SOX5: variants seen among roughly 807,000 people sequenced by gnomAD.
SOX5 encodes SRY-box transcription factor 5.
A neutral mutation model predicts 92.0 loss-of-function variants in SOX5; 9 were observed. That is an observed-to-expected ratio of 0.10 (90% CI 0.06 to 0.17). The LOEUF is 0.17. SOX5 is among the 10% of genes least tolerant of loss of function. The probability of loss-of-function intolerance (pLI) is 1.00; values close to 1 mark genes in which losing one functional copy is unlikely to be tolerated. For missense variants in SOX5, 642 were observed against 944.5 expected (o/e 0.68, Z 4.20); for synonymous variants, 344 against 336.3 (o/e 1.02, Z -0.25).
At chr12:23,890,757 C>T (rs1438505674) in intron 2 of SOX5, among the ~76,000 whole-genome samples, 3 of 151,256 alleles carry the variant, frequency 2.0e-5, no homozygotes, top group Non-Finnish European at 4.4e-5. Flanking sequence ...CCCAAAATTA[C>T]AGTGATTCTT....
chr12:24,356,416 C>T (rs904894149), intron 2 of SOX5, among the ~76,000 whole-genome samples: 1 of 151,986 alleles, frequency 6.6e-6, no homozygotes, highest in African/African-American at 2.4e-5. Context: ...TTCCATAGCA[C>T]CTTTGTTTCT....
chr12:24,168,310 ATG>A (rs1953663999), intron 4 of SOX5, among the ~76,000 whole-genome samples: 1 of 152,086 alleles, frequency 6.6e-6, no homozygotes, highest in African/African-American at 2.4e-5. Flanking sequence ...CTCCTACTAA[ATG>A]TGTGTCACAG....
intron 1 of SOX5, among the ~76,000 whole-genome samples, chr12:23,943,817 G>C (rs1240730644): frequency 6.6e-6 from 1 of 152,022 alleles, no homozygotes; most frequent in Non-Finnish European, 1.5e-5. Flanking sequence ...TTTTCCTTCT[G>C]TCATGTTTTA....
At chr12:23,787,529 G>A (rs1017887529) in intron 3 of SOX5, among the ~76,000 whole-genome samples, 1 of 151,992 alleles carries the variant, frequency 6.6e-6, no homozygotes, top group Non-Finnish European at 1.5e-5. Flanking sequence ...TTGCATACAC[G>A]ATGAACACAG....
intron 6 of SOX5, among the ~76,000 whole-genome samples, chr12:23,667,902 A>T (rs187368794): frequency 6.6e-6 from 1 of 152,206 alleles, no homozygotes; most frequent in Admixed American, 6.6e-5. Context: ...ACATCTCAAA[A>T]TATCGTTGAT....
At chr12:24,394,703 C>T (rs867545930) in intron 1 of SOX5, among the ~76,000 whole-genome samples, 4 of 152,046 alleles carry the variant, frequency 2.6e-5, no homozygotes, top group South Asian at 4.1e-4. Context: ...TAGAACAATG[C>T]CTGAAAAAGT....
chr12:24,072,373 C>A (rs1264714119), intron 4 of SOX5, among the ~76,000 whole-genome samples: 1 of 152,096 alleles, frequency 6.6e-6, no homozygotes, highest in Non-Finnish European at 1.5e-5. Flanking sequence ...TAATTTATAT[C>A]ATTAAATATA....
At chr12:23,624,429 A>C (rs1421893299) in intron 8 of SOX5, among the ~76,000 whole-genome samples, 3 of 152,352 alleles carry the variant, frequency 2.0e-5, no homozygotes, top group Admixed American at 1.3e-4. Context: ...TAAAATTTTT[A>C]AGAATAAAAT....
In SOX5 at chr12:23,692,401, C is replaced by A. The variant is rs1158993231; in HGVS notation, c.811-26837G>T. Among the ~76,000 whole-genome samples the A allele has an allele frequency of 2.1e-5, 3 of 145,514 alleles. No individual in the cohort carries two copies. In the East Asian group the frequency reaches 6.0e-4, roughly 29 times the overall value. On this transcript the variant is annotated intron_variant, in intron 6 of 14. Transcript: ENST00000451604. ...GCATTGAGCTGAGATTGCACCACTG[C>A]ACTTCAGCCTGGGCGACAGAGTGAG... is the stretch of plus-strand genomic sequence containing the variant.
intron 3 of SOX5, among the ~76,000 whole-genome samples, chr12:24,269,064 G>C (rs937007086): frequency 6.6e-6 from 1 of 152,148 alleles, no homozygotes; most frequent in South Asian, 2.1e-4. Flanking sequence ...ATTGTATATT[G>C]CAGGGTAATC....
chr12:23,577,193 T>TATATATATATA (rs1391132741), intron 9 of SOX5, among the ~76,000 whole-genome samples: 2 of 53,668 alleles, frequency 3.7e-5, no homozygotes, highest in South Asian at 5.7e-4. Context: ...ATATATATAT[T>TATATATATATA]TTTTTTTTTT....
chr12:23,621,965 AG>A (rs1176952287), intron 8 of SOX5, among the ~76,000 whole-genome samples: 4 of 152,144 alleles, frequency 2.6e-5, no homozygotes, highest in Non-Finnish European at 4.4e-5. Flanking sequence ...CTTTACATCA[AG>A]GAAAGATAGA....
intron 11 of SOX5, among the ~76,000 whole-genome samples, chr12:23,557,269 C>T (rs939416277): frequency 6.6e-6 from 1 of 152,212 alleles, no homozygotes; most frequent in South Asian, 2.1e-4. Context: ...TGAGTAAATT[C>T]TTAATTAAAA....
rs968132943 is a variant in SOX5 at position 24,032,137 on chromosome 12, A to C, written c.-1-136113T>G. 2.6e-5 allele frequency among the ~76,000 whole-genome samples: 4 copies of C among 151,866 alleles called. No individual in the cohort carries two copies. The South Asian group carries it at 6.2e-4, about 24-fold the overall frequency. ...CTGGATTTGGTAACTGGTAACACTG[A>C]AACTGTTGGGGAGGAAATAAACTAT... is the stretch of plus-strand genomic sequence containing the variant. On this transcript the variant is annotated intron_variant, in intron 4 of 4. Coordinates refer to the SOX5 transcript ENST00000446891.
intron 3 of SOX5, among the ~76,000 whole-genome samples, chr12:24,231,212 A>G (rs1039705805): frequency 6.6e-6 from 1 of 152,216 alleles, no homozygotes; most frequent in Non-Finnish European, 1.5e-5. Context: ...TTCAGTTAAT[A>G]TGACCACATT....
At chr12:24,095,915 G>A (rs1449897266) in intron 4 of SOX5, among the ~76,000 whole-genome samples, 3 of 152,088 alleles carry the variant, frequency 2.0e-5, no homozygotes, top group African/African-American at 7.2e-5. Context: ...CAGCCATGCT[G>A]AACTACGAGT....
chr12:23,812,815 A>G (rs1388558872), intron 3 of SOX5, among the ~76,000 whole-genome samples: 1 of 152,180 alleles, frequency 6.6e-6, no homozygotes, highest in Non-Finnish European at 1.5e-5. Flanking sequence ...CACTATTCTC[A>G]TAAAATTTAC....
At chr12:23,825,172 C>T (rs2096206387) in intron 3 of SOX5, among the ~76,000 whole-genome samples, 1 of 152,134 alleles carries the variant, frequency 6.6e-6, no homozygotes, top group Non-Finnish European at 1.5e-5. Flanking sequence ...AGTGCCTGCC[C>T]AAACGGCTGT....
At chr12:23,874,390 G>A (rs1312254703) in intron 2 of SOX5, among the ~76,000 whole-genome samples, 2 of 152,010 alleles carry the variant, frequency 1.3e-5, no homozygotes, top group African/African-American at 4.8e-5. Context: ...GTTTAGCGAC[G>A]CACCATACGC....
Sources: gnomAD v4.1 joint callset for allele counts (sites outside exome capture counted in the v4.1 genomes callset) on GRCh38, gnomAD v4.1.1 for gene constraint, MANE v1.5 for transcripts, NCBI Gene and HGNC (gene_info 2026-07-23, HGNC 2026-07-21) for gene names.